SEC63: variants seen among roughly 807,000 people sequenced by gnomAD.
The protein encoded by SEC63 is translocation protein SEC63 homolog.
In SEC63, 56 loss-of-function variants were observed where a neutral mutation model predicts 116.2. The observed-to-expected ratio is 0.48, with a 90% confidence interval of 0.39 to 0.60. The LOEUF is 0.60. SEC63 is among the 20% of genes least tolerant of loss of function. The pLI is 0.00. For missense variants in SEC63, 668 were observed against 900.0 expected (o/e 0.74, Z 3.30); for synonymous variants, 273 against 294.6 (o/e 0.93, Z 0.75).
In SEC63 at chr6:107,871,614, G is replaced by A; in HGVS notation, c.*90C>T. The A allele has an allele frequency of 8.0e-7, 1 of 1,243,174 alleles. No individual in the cohort carries two copies. The highest frequency in any genetic ancestry group is 1.2e-6 in the Non-Finnish European group (1 of 849,566). 77.0% of individuals were successfully genotyped at this position (1,243,174 alleles called of 1,614,324 possible). A position where few individuals can be genotyped will look rare whatever the true frequency, so the allele number is the denominator to read the frequency against. Reference sequence around the variant, plus strand: ...AAAAACTACACCTCCCTCAACATCAGTTCTGTACTGTTTCTGGTTTATGAT... The same window carrying A: ...AAAAACTACACCTCCCTCAACATCAATTCTGTACTGTTTCTGGTTTATGAT... On this transcript the variant is annotated 3_prime_UTR_variant, in exon 21 of 21. Coordinates refer to ENST00000369002, the MANE Select transcript of SEC63 (RefSeq NM_007214.5).
In SEC63 at chr6:107,958,086, G is replaced by A. The variant is rs2272884; in HGVS notation, c.-77C>T. 1,566,276 of 1,603,382 alleles carry A rather than the reference G, an allele frequency of 0.98. 765,958 individuals are homozygous for A. The highest frequency in any genetic ancestry group is 0.99 in the Middle Eastern group (5,591 of 5,652). On this transcript the variant is annotated 5_prime_UTR_variant, in exon 1 of 21. Transcript: ENST00000369002. The stretch of plus-strand genomic sequence containing the variant: ...TCTGCACTCCCGCTCCCAACGCCCC[G>A]GCCCGAGTGGCGTAGCTTGGACACT...
intron 4 of SEC63, among the ~76,000 whole-genome samples, chr6:107,917,780 T>C (rs528331123): frequency 7.9e-5 from 12 of 152,300 alleles, no homozygotes; most frequent in Admixed American, 2.0e-4. Flanking sequence ...GTGAGGGAGC[T>C]GCAGAAGCTA....
intron 1 of SEC63, chr6:107,956,090 A>G: frequency 3.4e-6 from 1 of 293,674 alleles, no homozygotes; most frequent in South Asian, 2.6e-5. Flanking sequence ...CAGCCTGGGT[A>G]AATGAGACTC....
chr6:107,913,667 C>T (rs1190487225), intron 4 of SEC63, among the ~76,000 whole-genome samples: 2 of 152,156 alleles, frequency 1.3e-5, no homozygotes, highest in East Asian at 1.9e-4. Flanking sequence ...GGTTCTCAAG[C>T]TTAACCAGTT....
intron 16 of SEC63, among the ~76,000 whole-genome samples, chr6:107,887,907 G>A (rs1230986712): frequency 6.6e-6 from 1 of 152,138 alleles, no homozygotes; most frequent in African/African-American, 2.4e-5. Context: ...GGTTGTAGAT[G>A]TGTGGCATTA....
At chr6:107,920,759 C>G (rs776101565) in intron 4 of SEC63, among the ~76,000 whole-genome samples, 2 of 152,174 alleles carry the variant, frequency 1.3e-5, no homozygotes, top group Non-Finnish European at 2.9e-5. Context: ...TAAGTTTTAT[C>G]TCTTGGAAGA....
At chr6:107,899,407 T>G (rs940262971) in intron 13 of SEC63, among the ~76,000 whole-genome samples, 1 of 152,236 alleles carries the variant, frequency 6.6e-6, no homozygotes, top group Admixed American at 6.5e-5. Context: ...CTTCTAATAT[T>G]CATTTTTCTA....
At chr6:107,956,729 G>T (rs1158720946) in intron 1 of SEC63, among the ~76,000 whole-genome samples, 2 of 152,024 alleles carry the variant, frequency 1.3e-5, no homozygotes, top group Non-Finnish European at 2.9e-5. Context: ...AGATCACATG[G>T]GGCGGGGGGG....
Position 107,957,923 on chromosome 6 carries a change from C to T in SEC63, c.87G>A (p.Pro29=). Residue 29 remains proline, a synonymous_variant, in exon 1 of 21, where the codon CCG becomes CCA. Transcript: ENST00000369002. ...LTSFVGLIVI[P]ATYYLWPRDQ... ...CTCGGGGCCAGAGGTAGTATGTCGCCGGGATCACGATGAGCCCCACGAAGG... is the reference window on the plus strand; with the variant it reads ...CTCGGGGCCAGAGGTAGTATGTCGCTGGGATCACGATGAGCCCCACGAAGG... The T allele has an allele frequency of 1.2e-6, 2 of 1,613,264 alleles. No homozygotes were observed. Among genetic ancestry groups the T allele is most frequent in the South Asian group, 1.1e-5 (1 of 91,066 alleles).
intron 16 of SEC63, among the ~76,000 whole-genome samples, chr6:107,889,774 C>A (rs1481121854): frequency 6.6e-6 from 1 of 152,138 alleles, no homozygotes; most frequent in Admixed American, 6.6e-5. Context: ...GATTCTGGTA[C>A]GTTATGTCTT....
At chr6:107,882,804 C>T (rs1328195407) in intron 17 of SEC63, among the ~76,000 whole-genome samples, 184 bp downstream of exon 17, 1 of 152,064 alleles carries the variant, frequency 6.6e-6, no homozygotes, top group Non-Finnish European at 1.5e-5. Flanking sequence ...AATCATTTTT[C>T]TGTATAACCT....
intron 1 of SEC63, among the ~76,000 whole-genome samples, chr6:107,937,865 T>G (rs566433801): frequency 6.6e-5 from 10 of 152,232 alleles, no homozygotes; most frequent in Non-Finnish European, 1.5e-4. Flanking sequence ...TCATGACTTT[T>G]GCCCACTTAA....
intron 11 of SEC63, 52 bp downstream of exon 11, chr6:107,904,577 G>A (rs1583744199): frequency 7.3e-7 from 1 of 1,364,344 alleles, no homozygotes. Flanking sequence ...AGTACAATCT[G>A]CATATGCTTG....
At chr6:107,912,819 G>T in intron 5 of SEC63, 45 bp from the exon 6 acceptor site, 1 of 1,361,630 alleles carries the variant, frequency 7.3e-7, no homozygotes. Context: ...TCTACTTTCA[G>T]TTTTAATAAA....
chr6:107,889,550 A>G (rs1297030023), intron 16 of SEC63, among the ~76,000 whole-genome samples: 1 of 151,440 alleles, frequency 6.6e-6, no homozygotes, highest in Non-Finnish European at 1.5e-5. Context: ...CCTTGGATTC[A>G]TTGATTTTTT....
intron 1 of SEC63, among the ~76,000 whole-genome samples, chr6:107,940,363 ATC>A (rs2114505316): frequency 6.6e-6 from 1 of 152,338 alleles, no homozygotes; most frequent in Admixed American, 6.5e-5. Flanking sequence ...ATCATATATT[ATC>A]TCTTTTTCTT....
intron 1 of SEC63, among the ~76,000 whole-genome samples, chr6:107,947,973 T>C (rs895216390): frequency 3.1e-4 from 47 of 152,214 alleles, no homozygotes; most frequent in African/African-American, 1.1e-3. Flanking sequence ...GGATAAAGTA[T>C]AACCCTCTTA....
At chr6:107,940,274 C>T (rs566908663) in intron 1 of SEC63, among the ~76,000 whole-genome samples, 3 of 152,178 alleles carry the variant, frequency 2.0e-5, no homozygotes, top group African/African-American at 7.2e-5. Flanking sequence ...TAAGTGCAAA[C>T]CAATACAAAC....
intron 1 of SEC63, among the ~76,000 whole-genome samples, chr6:107,948,001 G>A (rs546744873): frequency 1.3e-5 from 2 of 152,160 alleles, no homozygotes; most frequent in South Asian, 2.1e-4. Flanking sequence ...TGAGTTGGTC[G>A]TAAGTGCCAA....
Sources: gnomAD v4.1 joint callset for allele counts (sites outside exome capture counted in the v4.1 genomes callset) on GRCh38, gnomAD v4.1.1 for gene constraint, MANE v1.5 for transcripts, NCBI Gene and HGNC (gene_info 2026-07-23, HGNC 2026-07-21) for gene names.